Variants in ZNF700 observed in about 807,000 individuals in gnomAD.
ZNF700 encodes the protein zinc finger protein 700.
In ZNF700, 38 loss-of-function variants were observed where a neutral mutation model predicts 65.3. The observed-to-expected ratio is 0.58, with a 90% CI of 0.45 to 0.76. ZNF700 has a LOEUF of 0.76. Among genes scored for constraint, ZNF700 ranks in the 30% least tolerant of loss-of-function variants. ZNF700 has a pLI of 0.00. For missense variants in ZNF700, 857 were observed against 888.4 expected (o/e 0.96, Z 0.45); for synonymous variants, 285 against 290.4 (o/e 0.98, Z 0.19).
chr19:11,926,756 A>T (rs1972635162), intron 1 of ZNF700: 1 of 154,262 alleles, frequency 6.5e-6, no homozygotes, highest in South Asian at 2.0e-4. Flanking sequence ...TGAGGAGACA[A>T]ACCAGATAAA....
intron 1 of ZNF700, among the ~76,000 whole-genome samples, chr19:11,940,304 A>G (rs1375602107): frequency 6.6e-6 from 1 of 152,210 alleles, no homozygotes; most frequent in Admixed American, 6.5e-5. Flanking sequence ...GGTGTCACTG[A>G]CTTCAAAAAT....
At chr19:11,926,260 T>TCCATTC (rs1972625799) in intron 1 of ZNF700, among the ~76,000 whole-genome samples, 5 of 152,350 alleles carry the variant, frequency 3.3e-5, no homozygotes, top group African/African-American at 1.2e-4. Flanking sequence ...CTATCTATTT[T>TCCATTC]TACATGAATG....
In ZNF700 at chr19:11,925,583, A is replaced by G. The variant is rs140918864; in HGVS notation, c.63+310A>G. On this transcript the variant is annotated intron_variant, in intron 1 of 3. Transcript: ENST00000254321. ...ATTGTGCGGAAGCAACGGGAGGGTC[A>G]TGGAGGCATCCTGACTCGGGTGTGG... Among the ~76,000 whole-genome samples the G allele has an allele frequency of 2.3e-3, 353 of 152,312 alleles. 4 individuals are homozygous for G. The highest frequency in any genetic ancestry group is 7.9e-3 in the African/African-American group (329 of 41,576).
chr19:11,942,550 G>A (rs143877179), intron 1 of ZNF700, among the ~76,000 whole-genome samples: 13 of 152,234 alleles, frequency 8.5e-5, no homozygotes, highest in East Asian at 1.9e-4. Flanking sequence ...GCAGACTTGC[G>A]TCTTAAAAAC....
Position 11,949,619 on chromosome 19 carries a change from G to T in ZNF700, c.1595G>T (p.Gly532Val), listed in dbSNP as rs1341512614. Residue 532 changes from glycine to valine, a missense_variant, in exon 4 of 4, where the codon GGA becomes GTA. By Grantham distance (109) the Gly-to-Val change is moderately radical. Transcript: ENST00000254321. ...CAAACACATGAAAAAACTCACACTGGAGAGAAACCCTATGAATGCAACCAA... is the reference window on the plus strand; with the variant it reads ...CAAACACATGAAAAAACTCACACTGTAGAGAAACCCTATGAATGCAACCAA... Reference protein sequence around the residue: ...SFQTHEKTHTGEKPYECNQCG... With the variant: ...SFQTHEKTHTVEKPYECNQCG... The T allele has an allele frequency of 6.2e-7, 1 of 1,613,658 alleles. No homozygotes were observed. The highest frequency in any genetic ancestry group is 8.5e-7 in the Non-Finnish European group (1 of 1,179,952).
In ZNF700 at chr19:11,928,460, C is replaced by G. The variant is rs1417896614; in HGVS notation, c.63+3187C>G. Among the ~76,000 whole-genome samples the G allele has an allele frequency of 2.0e-3, 296 of 150,240 alleles. 1 individual carries two copies. Among genetic ancestry groups the G allele is most frequent in the African/African-American group, 7.1e-3 (284 of 39,780 alleles). On this transcript the variant is annotated intron_variant, in intron 1 of 3. Transcript: ENST00000254321. ...GAGAAAGTAGTCTCTGGGCCGGGCGCGGTGGCTCACGCCTGTAATCCCAGC... is the reference window on the plus strand; with the variant it reads ...GAGAAAGTAGTCTCTGGGCCGGGCGGGGTGGCTCACGCCTGTAATCCCAGC...
At chr19:11,926,182 C>T (rs1179918820) in intron 1 of ZNF700, among the ~76,000 whole-genome samples, 1 of 152,162 alleles carries the variant, frequency 6.6e-6, no homozygotes, top group African/African-American at 2.4e-5. Flanking sequence ...TTTACTTTTG[C>T]CTTGCGTGGC....
At chr19:11,934,188 T>A (rs965360659) in intron 1 of ZNF700, among the ~76,000 whole-genome samples, 21 of 147,644 alleles carry the variant, frequency 1.4e-4, no homozygotes, top group East Asian at 3.9e-4. Flanking sequence ...TATTTTTTTT[T>A]AAAAAAAGAC....
rs768217264 is a variant in ZNF700 at position 11,925,252 on chromosome 19, T to G, written c.42T>G (p.Gly14=). 5.0e-6 allele frequency: 8 copies of G among 1,612,646 alleles called. No homozygotes were observed. The highest frequency in any genetic ancestry group is 6.8e-6 in the Non-Finnish European group (8 of 1,179,180). ...CSHRSCREDP[G]TSESREMDPV... is the part of the protein sequence containing the mutation. Reference sequence around the variant, plus strand: ...ACAGGAGCTGTAGAGAGGACCCCGGTACATCTGAAAGCCGGGAAATGGTGC... The same window carrying G: ...ACAGGAGCTGTAGAGAGGACCCCGGGACATCTGAAAGCCGGGAAATGGTGC... Residue 14 remains glycine, a synonymous_variant, in exon 1 of 4, where the codon GGT becomes GGG. Transcript: ENST00000254321.
intron 3 of ZNF700, 136 bp downstream of exon 3, chr19:11,947,710 A>AT: frequency 1.1e-6 from 1 of 917,508 alleles, no homozygotes. Flanking sequence ...CTCAAAAAAC[A>AT]TATATTTAAA....
intron 1 of ZNF700, among the ~76,000 whole-genome samples, chr19:11,941,818 G>A (rs919057097): frequency 9.9e-5 from 15 of 152,250 alleles, no homozygotes; most frequent in South Asian, 2.1e-4. Flanking sequence ...CGCCAAGAGC[G>A]AGCGAGGGCT....
chr19:11,944,576 C>G (rs189704270), intron 1 of ZNF700, among the ~76,000 whole-genome samples: 1 of 152,192 alleles, frequency 6.6e-6, no homozygotes, highest in South Asian at 2.1e-4. Flanking sequence ...AAGAAGCACA[C>G]GGGTTACTTC....
At position 11,948,618 on chromosome 19, in the gene ZNF700, C is replaced by A; in HGVS notation, c.594C>A (p.Val198=). 6.2e-7 allele frequency: 1 copy of A among 1,609,426 alleles called. No homozygotes were observed. Among genetic ancestry groups the A allele is most frequent in the Non-Finnish European group, 8.5e-7 (1 of 1,178,776 alleles). Residue 198 remains valine, a synonymous_variant, in exon 4 of 4, where the codon GTC becomes GTA. Coordinates refer to ENST00000254321, the MANE Select transcript of ZNF700 (RefSeq NM_144566.3). ...GAGAGAAACCCTATGCTTGTAAAGT[C>A]TGTGGAAAAACCTTTATTTTCCATT... ...HTGEKPYACK[V]CGKTFIFHSS...
intron 1 of ZNF700, among the ~76,000 whole-genome samples, chr19:11,929,858 C>G (rs1972687473): frequency 6.7e-6 from 1 of 148,314 alleles, no homozygotes; most frequent in Admixed American, 6.6e-5. Flanking sequence ...CCTGAAAAAT[C>G]CTTTCTGCCT....
chr19:11,939,705 C>A (rs1385572371), intron 1 of ZNF700, among the ~76,000 whole-genome samples: 1 of 152,188 alleles, frequency 6.6e-6, no homozygotes, highest in East Asian at 1.9e-4. Context: ...CATAATTGCA[C>A]CTGCCTTGGC....
intron 1 of ZNF700, among the ~76,000 whole-genome samples, chr19:11,936,347 C>A (rs279248): frequency 0.18 from 26,811 of 152,006 alleles, 5,056 homozygotes; most frequent in African/African-American, 0.48. Flanking sequence ...TCTCCAGCAC[C>A]TGTTGTTTCC....
intron 1 of ZNF700, among the ~76,000 whole-genome samples, chr19:11,938,860 T>G (rs1972837355): frequency 6.6e-6 from 1 of 152,208 alleles, no homozygotes; most frequent in African/African-American, 2.4e-5. Flanking sequence ...AAAGTGTTCC[T>G]ATTTCTCCAC....
At chr19:11,941,854 C>T (rs1689706759) in intron 1 of ZNF700, among the ~76,000 whole-genome samples, 1 of 152,230 alleles carries the variant, frequency 6.6e-6, no homozygotes, top group South Asian at 2.1e-4. Context: ...ATGCTGTCAC[C>T]TCTCAGTATG....
chr19:11,941,368 C>CG (rs926927749), intron 1 of ZNF700, among the ~76,000 whole-genome samples: 6 of 152,144 alleles, frequency 3.9e-5, no homozygotes, highest in African/African-American at 1.4e-4. Flanking sequence ...CGGGGAGGCT[C>CG]GGGCCGCACA....
Sources: allele counts gnomAD v4.1 joint callset (sites outside exome capture counted in the v4.1 genomes callset), GRCh38; gene constraint gnomAD v4.1.1; transcripts MANE v1.5; gene names NCBI Gene and HGNC (gene_info 2026-07-23, HGNC 2026-07-21).